NUDCD1: variants seen among roughly 807,000 people sequenced by gnomAD.
The protein encoded by NUDCD1 is nudC domain-containing protein 1.
In NUDCD1, 60 loss-of-function variants were observed where a neutral mutation model predicts 67.8. That is an observed-to-expected ratio of 0.88 (90% confidence interval 0.72 to 1.10). The LOEUF (loss-of-function observed/expected upper bound fraction) is 1.10. NUDCD1 is among the 50% of genes least tolerant of loss of function. The probability of loss-of-function intolerance (pLI) is 0.00; values close to 1 mark genes in which losing one functional copy is unlikely to be tolerated. For missense variants in NUDCD1, 643 were observed against 695.0 expected, an observed-to-expected ratio of 0.93 and a Z score of 0.84; for synonymous variants, 244 against 230.8, an observed-to-expected ratio of 1.06 and a Z score of -0.52.
At chr8:109,265,931 A>T (rs1013852827) in intron 8 of NUDCD1, among the ~76,000 whole-genome samples, 3 of 151,932 alleles carry the variant, frequency 2.0e-5, no homozygotes, top group Non-Finnish European at 4.4e-5. Context: ...GGGATTGGGG[A>T]CCCCTGTCTT....
intron 2 of NUDCD1, among the ~76,000 whole-genome samples, chr8:109,297,507 A>C (rs1047786671): frequency 2.8e-5 from 4 of 142,726 alleles, no homozygotes; most frequent in Non-Finnish European, 6.2e-5. Flanking sequence ...AGGGACTGAA[A>C]GAGGGAGTTT....
At chr8:109,287,340 T>A (rs1814599742) in intron 5 of NUDCD1, among the ~76,000 whole-genome samples, 1 of 152,168 alleles carries the variant, frequency 6.6e-6, no homozygotes, top group East Asian at 1.9e-4. Flanking sequence ...TGTGCTAGTA[T>A]GTTCATCACA....
chr8:109,304,470 T>G (rs1815058877), intron 2 of NUDCD1, among the ~76,000 whole-genome samples: 1 of 152,194 alleles, frequency 6.6e-6, no homozygotes, highest in African/African-American at 2.4e-5. Flanking sequence ...CGTCTATCCT[T>G]GAGGCTACTG....
intron 6 of NUDCD1, among the ~76,000 whole-genome samples, chr8:109,276,428 G>A (rs1814290101): frequency 6.6e-6 from 1 of 152,154 alleles, no homozygotes; most frequent in South Asian, 2.1e-4. Context: ...ATTAGCTCAT[G>A]CCCTGGAACA....
At chr8:109,268,702 TAAG>T (rs994319227) in intron 8 of NUDCD1, among the ~76,000 whole-genome samples, 5 of 152,196 alleles carry the variant, frequency 3.3e-5, no homozygotes, top group African/African-American at 4.8e-5. Flanking sequence ...ACTATAACGT[TAAG>T]AAGAACAACC....
chr8:109,329,143 T>G (rs1165066744), intron 1 of NUDCD1, among the ~76,000 whole-genome samples: 1 of 147,020 alleles, frequency 6.8e-6, no homozygotes, highest in East Asian at 2.0e-4. Flanking sequence ...AAAAAAAAAG[T>G]AAACGGAACT....
chr8:109,245,670 G>A (rs1813477877), intron 8 of NUDCD1, among the ~76,000 whole-genome samples, 189 bp from the exon 9 acceptor site: 1 of 152,144 alleles, frequency 6.6e-6, no homozygotes, highest in Non-Finnish European at 1.5e-5. Flanking sequence ...TCAAAGCTGA[G>A]GAAAGTGATG....
At chr8:109,269,990 C>CCAGG (rs1814100380) in intron 8 of NUDCD1, among the ~76,000 whole-genome samples, 1 of 144,468 alleles carries the variant, frequency 6.9e-6, no homozygotes, top group Non-Finnish European at 1.5e-5. Context: ...CCAAGCCACT[C>CCAGG]CAGGCAGTCT....
chr8:109,289,169 G>T (rs1814643984), intron 5 of NUDCD1, among the ~76,000 whole-genome samples: 1 of 151,878 alleles, frequency 6.6e-6, no homozygotes, highest in African/African-American at 2.4e-5. Context: ...TAGAGACGGG[G>T]TTTCATCGTG....
In NUDCD1 at chr8:109,241,780, G is replaced by C. The variant is rs1813372133; in HGVS notation, c.*1229C>G. 2 of 274,370 alleles carry C rather than the reference G, an allele frequency of 7.3e-6. No homozygotes were observed. The highest frequency in any genetic ancestry group is 1.0e-4 in the Admixed American group (2 of 19,228). 17.0% of individuals were successfully genotyped at this position (274,370 alleles called of 1,614,324 possible). ...AGGCAAAAGATATGTTAGGAACAAA[G>C]CTTTTCTATCTTATATTTCTTATCT... On this transcript the variant is annotated 3_prime_UTR_variant, in exon 10 of 10. Coordinates refer to ENST00000239690, the MANE Select transcript of NUDCD1 (RefSeq NM_032869.4).
Position 109,243,047 on chromosome 8 carries a change from T to C in NUDCD1, c.1714A>G (p.Lys572Glu), listed in dbSNP as rs982439338. ...TTTACTTTTATTAAAAAGAGGTTTT[T>C]GGTAGTAAGAACAAATAATCTCTCA... is the stretch of plus-strand genomic sequence containing the variant. ...TNERLFVLTT[K>E]NLFLIKVNTE... The change falls in exon 10 of 10, where the codon AAA (lysine) becomes GAA (glutamate). Residue 572 changes from lysine (K) to glutamate (E), a missense_variant. Lys to Glu is a moderately conservative substitution (Grantham distance 56). Coordinates refer to ENST00000239690, the MANE Select transcript of NUDCD1 (RefSeq NM_032869.4). 3.7e-6 allele frequency: 6 copies of C among 1,600,938 alleles called. No homozygotes were observed. The highest frequency in any genetic ancestry group is 1.7e-5 in the Admixed American group (1 of 59,932).
chr8:109,303,740 C>T (rs2980628), intron 2 of NUDCD1, among the ~76,000 whole-genome samples: 96,734 of 151,892 alleles, frequency 0.64, 32,275 homozygotes, highest in African/African-American at 0.84. Context: ...CAACCGATCA[C>T]GCAACCCTTA....
chr8:109,317,622 A>G (rs1168137414), intron 2 of NUDCD1, among the ~76,000 whole-genome samples: 1 of 152,204 alleles, frequency 6.6e-6, no homozygotes, highest in African/African-American at 2.4e-5. Context: ...GATATGTAAT[A>G]ATCTCTATGC....
At chr8:109,309,127 T>A (rs556831612) in intron 2 of NUDCD1, among the ~76,000 whole-genome samples, 9 of 152,298 alleles carry the variant, frequency 5.9e-5, no homozygotes, top group Admixed American at 1.3e-4. Context: ...AGTATCACCC[T>A]ATTACCACAA....
chr8:109,289,386 GT>G (rs1248628400), intron 5 of NUDCD1, among the ~76,000 whole-genome samples: 4 of 152,132 alleles, frequency 2.6e-5, no homozygotes, highest in Admixed American at 2.6e-4. Context: ...GTAAGAACAG[GT>G]ACATTAGCTT....
chr8:109,317,249 C>T (rs1815422302), intron 2 of NUDCD1, among the ~76,000 whole-genome samples: 1 of 152,180 alleles, frequency 6.6e-6, no homozygotes, highest in Non-Finnish European at 1.5e-5. Flanking sequence ...AGCAGTTGCT[C>T]ATGCCTGTAA....
chr8:109,246,815 C>T (rs975923166), intron 8 of NUDCD1, among the ~76,000 whole-genome samples: 1 of 151,986 alleles, frequency 6.6e-6, no homozygotes, highest in East Asian at 1.9e-4. Flanking sequence ...ACTGGAGAAC[C>T]GTAAAAGATT....
chr8:109,275,506 T>C lies in NUDCD1; in HGVS notation c.1029-10A>G. On this transcript the variant is annotated splice_polypyrimidine_tract_variant and intron_variant, in intron 6 of 9. Transcript: ENST00000239690. ...CAAGGAAATCTCCAAGCTAGAAGTT[T>C]AAATGGGAAAAGTAATGTTACATTA... 1 of 1,603,854 alleles carries C rather than the reference T, an allele frequency of 6.2e-7. No individual in the cohort carries two copies. Among genetic ancestry groups the C allele is most frequent in the South Asian group, 1.1e-5 (1 of 89,490 alleles).
intron 6 of NUDCD1, among the ~76,000 whole-genome samples, chr8:109,276,721 ATC>A (rs1000368340): frequency 3.3e-5 from 5 of 152,180 alleles, no homozygotes; most frequent in Non-Finnish European, 5.9e-5. Context: ...CAATGGCACA[ATC>A]TCTCTTACTG....
Sources: gnomAD v4.1 joint callset for allele counts (sites outside exome capture counted in the v4.1 genomes callset) on GRCh38, gnomAD v4.1.1 for gene constraint, MANE v1.5 for transcripts, NCBI Gene and HGNC (gene_info 2026-07-23, HGNC 2026-07-21) for gene names.